The following SRPK2 variants were observed in gnomAD, a reference collection of about 807,000 sequenced individuals.
The protein encoded by SRPK2 is SRSF protein kinase 2.
In SRPK2, 21 loss-of-function variants were observed where a neutral mutation model predicts 90.8. The observed-to-expected ratio is 0.23, with a 90% CI of 0.16 to 0.33. The LOEUF (loss-of-function observed/expected upper bound fraction) is 0.33, where lower values mean the gene tolerates loss of function less well. Ranked by LOEUF, SRPK2 falls within the 10% of genes least tolerant of loss-of-function variation. SRPK2 has a pLI of 1.00. For missense variants in SRPK2, 620 were observed against 869.0 expected, an observed-to-expected ratio of 0.71 and a Z score of 3.60; for synonymous variants, 288 against 311.1, an observed-to-expected ratio of 0.93 and a Z score of 0.78.
chr7:105,301,837 AC>A, intron 2 of SRPK2: 1 of 1,562,916 alleles, frequency 6.4e-7, no homozygotes, highest in Non-Finnish European at 8.8e-7. Flanking sequence ...TATGCCAAAG[AC>A]AATAAGAGCA....
intron 2 of SRPK2, among the ~76,000 whole-genome samples, chr7:105,336,740 A>C (rs1464281025): frequency 6.6e-6 from 1 of 152,218 alleles, no homozygotes; most frequent in Non-Finnish European, 1.5e-5. Flanking sequence ...CCCAATTCTA[A>C]TAAATCAACT....
At chr7:105,285,279 G>A (rs1012329376) in intron 2 of SRPK2, among the ~76,000 whole-genome samples, 2 of 151,288 alleles carry the variant, frequency 1.3e-5, no homozygotes, top group Non-Finnish European at 2.9e-5. Flanking sequence ...CCAGCTACTC[G>A]GGAGGCTGAG....
At chr7:105,214,858 T>A (rs796242838) in intron 2 of SRPK2, among the ~76,000 whole-genome samples, 3 of 152,306 alleles carry the variant, frequency 2.0e-5, no homozygotes, top group African/African-American at 7.2e-5. Context: ...AAAACTCATA[T>A]GGAAATGCAA....
chr7:105,309,522 C>G (rs949000804), intron 2 of SRPK2, among the ~76,000 whole-genome samples: 1 of 152,146 alleles, frequency 6.6e-6, no homozygotes, highest in Non-Finnish European at 1.5e-5. Flanking sequence ...CTTAATTAGC[C>G]ATTCAGAAAG....
chr7:105,189,675 G>C (rs1452598843), intron 3 of SRPK2: 1 of 152,402 alleles, frequency 6.6e-6, no homozygotes, highest in Non-Finnish European at 1.5e-5. Flanking sequence ...AGGAGGCTGA[G>C]GCACAAGAAT....
chr7:105,175,653 C>A, intron 3 of SRPK2, among the ~76,000 whole-genome samples: 1 of 151,894 alleles, frequency 6.6e-6, no homozygotes, highest in African/African-American at 2.4e-5. Context: ...TGAGAGAAAA[C>A]ACAAATTACC....
At chr7:105,358,245 A>AAAC (rs1214079166) in intron 2 of SRPK2, among the ~76,000 whole-genome samples, 8 of 150,476 alleles carry the variant, frequency 5.3e-5, no homozygotes, top group African/African-American at 2.0e-4. Context: ...AAAAAAAAAA[A>AAAC]CACCCCACGT....
chr7:105,387,932 C>T (rs1029008463), intron 2 of SRPK2, among the ~76,000 whole-genome samples: 1 of 152,194 alleles, frequency 6.6e-6, no homozygotes, highest in Non-Finnish European at 1.5e-5. Flanking sequence ...TTTTCCACTC[C>T]GACCGGCTCC....
At chr7:105,357,536 G>A (rs994554868) in intron 2 of SRPK2, among the ~76,000 whole-genome samples, 1 of 152,024 alleles carries the variant, frequency 6.6e-6, no homozygotes, top group South Asian at 2.1e-4. Flanking sequence ...CTGAGGTCAG[G>A]AGTTCAGGAC....
intron 2 of SRPK2, among the ~76,000 whole-genome samples, chr7:105,325,486 C>CG (rs1813456329): frequency 1.2e-5 from 1 of 86,110 alleles, no homozygotes; most frequent in Non-Finnish European, 2.1e-5. Flanking sequence ...ACCAAGTCTT[C>CG]AAAAAAAAAA....
At chr7:105,292,495 CT>C (rs1324525512) in intron 2 of SRPK2, among the ~76,000 whole-genome samples, 1 of 29,292 alleles carries the variant, frequency 3.4e-5, no homozygotes, top group Non-Finnish European at 8.7e-5. Context: ...GAGTAAGACT[CT>C]CAAAAAAAAA....
intron 2 of SRPK2, among the ~76,000 whole-genome samples, chr7:105,348,500 C>G (rs993868006): frequency 6.0e-5 from 9 of 150,624 alleles, no homozygotes; most frequent in Non-Finnish European, 1.3e-4. Flanking sequence ...TCACGGCTCA[C>G]TGCAACCTCC....
intron 2 of SRPK2, among the ~76,000 whole-genome samples, chr7:105,213,328 T>C (rs1356985920): frequency 1.3e-5 from 2 of 152,154 alleles, no homozygotes; most frequent in Non-Finnish European, 2.9e-5. Flanking sequence ...GCTTGATATA[T>C]AAAATCTATA....
intron 2 of SRPK2, among the ~76,000 whole-genome samples, chr7:105,312,448 A>AAAAAAC (rs1185349332): frequency 6.6e-6 from 1 of 151,594 alleles, no homozygotes; most frequent in Non-Finnish European, 1.5e-5. Context: ...AAAAAAAAAA[A>AAAAAAC]AAAAAACAAG....
intron 2 of SRPK2, among the ~76,000 whole-genome samples, chr7:105,215,569 T>G (rs1277475200): frequency 6.6e-6 from 1 of 152,118 alleles, no homozygotes; most frequent in Admixed American, 6.5e-5. Flanking sequence ...TAGCCTAAAG[T>G]AGAAACCACC....
intron 13 of SRPK2, among the ~76,000 whole-genome samples, chr7:105,128,952 C>T (rs1016389496): frequency 6.6e-6 from 1 of 152,340 alleles, no homozygotes; most frequent in Middle Eastern, 3.4e-3. Flanking sequence ...CCCAAGAAAA[C>T]ATGTATAGAA....
rs117277973 is a variant in SRPK2 at position 105,374,624 on chromosome 7, A to G, written c.71+14024T>C. ...TGAAAAATATACATATATTTTTTTG[A>G]GTCAGAGTCTCATTCGGTCGCCCAG... On this transcript the variant is annotated intron_variant, in intron 2 of 15. Coordinates refer to ENST00000393651, the MANE Select transcript of SRPK2 (RefSeq NM_182692.3). Among the ~76,000 whole-genome samples, 519 of 152,276 alleles carry G rather than the reference A, an allele frequency of 3.4e-3. 10 individuals are homozygous for G. In the East Asian group the frequency reaches 0.055, roughly 16 times the overall value.
chr7:105,147,524 T>C (rs6967753), intron 7 of SRPK2, among the ~76,000 whole-genome samples: 62,646 of 151,888 alleles, frequency 0.41, 14,830 homozygotes, highest in Non-Finnish European at 0.53. Flanking sequence ...TTTTACCATA[T>C]TGGCCAGTGG....
chr7:105,252,695 C>T lies in SRPK2; in HGVS notation c.72-48910G>A, dbSNP rs186287040. Among the ~76,000 whole-genome samples the T allele has an allele frequency of 3.3e-5, 5 of 151,642 alleles. No homozygotes were observed. In the East Asian group the frequency reaches 9.7e-4, roughly 29 times the overall value. ...ATCCATTGAGTAAGAATTTCTGCAA[C>T]AAAATGATTAGTGAAACATTCCAAT... On this transcript the variant is annotated intron_variant, in intron 2 of 15. Coordinates refer to ENST00000393651, the MANE Select transcript of SRPK2 (RefSeq NM_182692.3).
Sources: gnomAD v4.1 joint callset for allele counts (sites outside exome capture counted in the v4.1 genomes callset) on GRCh38, gnomAD v4.1.1 for gene constraint, MANE v1.5 for transcripts, NCBI Gene and HGNC (gene_info 2026-07-23, HGNC 2026-07-21) for gene names.